MDGA1: variants seen among roughly 807,000 people sequenced by gnomAD.
The protein encoded by MDGA1 is MAM domain containing glycosylphosphatidylinositol anchor 1.
Under a neutral mutation model 101.5 loss-of-function variants are expected in MDGA1, and 54 were observed. That is an observed-to-expected ratio of 0.53 (90% CI 0.43 to 0.67). The LOEUF is 0.67. MDGA1 is among the 30% of genes least tolerant of loss of function. The pLI, the probability that MDGA1 is intolerant of heterozygous loss-of-function variation, is 0.00. For missense variants in MDGA1, 1,083 were observed against 1,323.8 expected (o/e 0.82, Z 2.82); for synonymous variants, 533 against 558.3 (o/e 0.95, Z 0.64).
intron 2 of MDGA1, among the ~76,000 whole-genome samples, chr6:37,663,676 G>A (rs1297544502): frequency 2.6e-5 from 4 of 152,230 alleles, no homozygotes; most frequent in African/African-American, 2.4e-5. Context: ...ATTAGAAAGT[G>A]CATCTAAGGA....
chr6:37,663,900 C>G, intron 2 of MDGA1, 67 bp downstream of exon 2: 4 of 1,580,044 alleles, frequency 2.5e-6, no homozygotes, highest in Non-Finnish European at 3.5e-6. Context: ...GCTGCCTCTT[C>G]TTAAGTGCTG....
At chr6:37,672,262 G>A (rs1761885901) in intron 1 of MDGA1, among the ~76,000 whole-genome samples, 1 of 151,970 alleles carries the variant, frequency 6.6e-6, no homozygotes, top group Admixed American at 6.6e-5. Context: ...ACCAGCCTGG[G>A]CATCATAGCA....
chr6:37,659,279 A>T (rs1411448213), intron 2 of MDGA1, among the ~76,000 whole-genome samples: 1 of 152,188 alleles, frequency 6.6e-6, no homozygotes, highest in Non-Finnish European at 1.5e-5. Context: ...GAAGCCCCTA[A>T]GTTTTGGAGT....
Position 37,654,929 on chromosome 6 carries a change from C to T in MDGA1, c.583G>A (p.Glu195Lys). The T allele has an allele frequency of 1.9e-6, 3 of 1,613,052 alleles. No individual in the cohort carries two copies. The highest frequency in any genetic ancestry group is 2.5e-6 in the Non-Finnish European group (3 of 1,179,764). ...DIYEPLYTQG[E>K]TKVLKLKNLR... ...TTCTTCAGCTTCAGGACCTTGGTCT[C>T]CCCCTGGGCAGCAGTGGACCACTGG... The change falls in exon 5 of 17, where the codon GAG (glutamate) becomes AAG (lysine). Residue 195 changes from glutamate (E) to lysine (K), a missense_variant. Glu to Lys is a moderately conservative substitution (Grantham distance 56, BLOSUM62 1). Around this residue, in one of 3 missense-constraint regions of MDGA1, gnomAD observed 310 missense variants for 355.9 expected, o/e 0.87. Transcript: ENST00000434837.
chr6:37,637,937 A>G (rs1763967407), intron 16 of MDGA1: 1 of 564,134 alleles, frequency 1.8e-6, no homozygotes. Context: ...AGATGTATTC[A>G]GACACAGGCA....
In MDGA1 at chr6:37,697,071, C is replaced by T; in HGVS notation, c.-260G>A. On this transcript the variant is annotated 5_prime_UTR_variant, in exon 1 of 17. Coordinates refer to ENST00000434837, the MANE Select transcript of MDGA1 (RefSeq NM_153487.4). ...TGCCTCGGCGCGCCCGGCACAGCAG[C>T]CAGCGCCCCGACCCGAGGAGCCCGG... 1 of 363,044 alleles carries T rather than the reference C, an allele frequency of 2.8e-6. No individual in the cohort carries two copies. 22.5% of individuals were successfully genotyped at this position (363,044 alleles called of 1,614,324 possible).
intron 3 of MDGA1, among the ~76,000 whole-genome samples, chr6:37,656,233 ATGC>A: frequency 1.3e-5 from 2 of 151,732 alleles, no homozygotes; most frequent in African/African-American, 4.8e-5. Flanking sequence ...ATATGCCACC[ATGC>A]CCAGCTAATT....
Position 37,638,317 on chromosome 6 carries a change from G to A in MDGA1, c.2668-4C>T, listed in dbSNP as rs1763982272. ...CTCGAACCCCCTCAAAAATAATCTGGGGTGGGGTCAGAAAGCAAGGAGCAA... is the reference window on the plus strand; with the variant it reads ...CTCGAACCCCCTCAAAAATAATCTGAGGTGGGGTCAGAAAGCAAGGAGCAA... On this transcript the variant is annotated splice_region_variant and splice_polypyrimidine_tract_variant and intron_variant, in intron 15 of 16. Coordinates refer to ENST00000434837, the MANE Select transcript of MDGA1 (RefSeq NM_153487.4). This position sits in a 1 kb window ranked among gnomAD's most constrained non-coding sequence, Gnocchi z 4.8. The A allele has an allele frequency of 6.2e-7, 1 of 1,600,426 alleles. No homozygotes were observed. The highest frequency in any genetic ancestry group is 8.5e-7 in the Non-Finnish European group (1 of 1,172,252).
intron 1 of MDGA1, among the ~76,000 whole-genome samples, chr6:37,668,164 T>A (rs1420108285): frequency 6.6e-6 from 1 of 151,018 alleles, no homozygotes; most frequent in East Asian, 1.9e-4. Flanking sequence ...GGCAGGAGGA[T>A]CATTTGAGCC....
Position 37,688,714 on chromosome 6 carries a change from G to A in MDGA1, c.67+8031C>T, listed in dbSNP as rs948831891. 5.3e-4 allele frequency among the ~76,000 whole-genome samples: 80 copies of A among 152,298 alleles called. 1 individual carries two copies. The highest frequency in any genetic ancestry group is 1.8e-3 in the African/African-American group (76 of 41,548). On this transcript the variant is annotated intron_variant, in intron 1 of 16. Coordinates refer to ENST00000434837, the MANE Select transcript of MDGA1 (RefSeq NM_153487.4). ...GCTCTCGTGAAACGGAGTCCCCATA[G>A]TTCACCTTCGAGTTTACAAAGTGCT... is the stretch of plus-strand genomic sequence containing the variant.
rs770219550 is a variant in MDGA1 at position 37,650,139 on chromosome 6, G to A, written c.1579C>T (p.Arg527Cys). 1 of 1,606,612 alleles carries A rather than the reference G, an allele frequency of 6.2e-7. No individual in the cohort carries two copies. Among genetic ancestry groups the A allele is most frequent in the Non-Finnish European group, 8.5e-7 (1 of 1,174,116 alleles). ...ACGTTCAGCTGCACCTGGGCCTCAC[G>A]GGGGCGCACGTTGAAGCCATTATAG... ...ARYNGFNVRP[R>C]EAQVQLNVQF... The change falls in exon 8 of 17, where the codon CGT becomes TGT. Residue 527 changes from arginine (R) to cysteine (C), a missense_variant. By Grantham distance (180) the Arg-to-Cys change is radical. Transcript: ENST00000434837.
At chr6:37,690,316 C>G (rs1467332541) in intron 1 of MDGA1, among the ~76,000 whole-genome samples, 1 of 152,196 alleles carries the variant, frequency 6.6e-6, no homozygotes, top group African/African-American at 2.4e-5. Flanking sequence ...CAACCCAGCT[C>G]CCTGTTTGAC....
rs116520954 is a variant in MDGA1, at chr6:37,670,299, G to A, written c.68-6193C>T. ...AAAGGGGACCACCTGCTATGCACCC[G>A]TACACATGCAACCCAGGGGTGGAAA... On this transcript the variant is annotated intron_variant, in intron 1 of 16. Transcript: ENST00000434837. Among the ~76,000 whole-genome samples the A allele has an allele frequency of 8.6e-3, 1,304 of 152,284 alleles. 19 individuals are homozygous for A. The highest frequency in any genetic ancestry group is 0.03 in the African/African-American group (1,247 of 41,546).
rs1762431111 is a variant in MDGA1, at chr6:37,696,833, C to T, written c.-22G>A. 3 of 1,557,726 alleles carry T rather than the reference C, an allele frequency of 1.9e-6. No homozygotes were observed. The highest frequency in any genetic ancestry group is 2.6e-6 in the Non-Finnish European group (3 of 1,150,326). On this transcript the variant is annotated 5_prime_UTR_variant, in exon 1 of 17. Transcript: ENST00000434837. This position sits in a 1 kb window ranked among gnomAD's most constrained non-coding sequence, Gnocchi z 5.6. Reference sequence around the variant, plus strand: ...CCATCTTCACGGCCGGTGCTTCATCCCCGCGAGGCGGCGCAGCCCGAGAGG... The same window carrying T: ...CCATCTTCACGGCCGGTGCTTCATCTCCGCGAGGCGGCGCAGCCCGAGAGG...
intron 1 of MDGA1, among the ~76,000 whole-genome samples, chr6:37,681,008 C>A (rs987540212): frequency 3.3e-4 from 49 of 150,446 alleles, no homozygotes; most frequent in African/African-American, 1.1e-3. Flanking sequence ...CCCCCCCCCC[C>A]AGGAAACCTG....
At chr6:37,643,277 CTT>C (rs111450568) in intron 14 of MDGA1, 6 of 145,990 alleles carry the variant, frequency 4.1e-5, no homozygotes, top group Non-Finnish European at 4.5e-5. Flanking sequence ...TTTCTTTTTC[CTT>C]TTTTTTTTTT....
At chr6:37,658,647 C>CTTTA (rs1053935542) in intron 2 of MDGA1, among the ~76,000 whole-genome samples, 4 of 152,314 alleles carry the variant, frequency 2.6e-5, no homozygotes, top group Admixed American at 2.6e-4. Context: ...AGGGAAGAGG[C>CTTTA]TTTAAATGGG....
chr6:37,642,843 GA>G, intron 14 of MDGA1, among the ~76,000 whole-genome samples: 1 of 152,300 alleles, frequency 6.6e-6, no homozygotes, highest in East Asian at 1.9e-4. Context: ...AGAGGATGGG[GA>G]ACTCGTCCAC....
At position 37,696,941 on chromosome 6, in the gene MDGA1, G is replaced by A; in HGVS notation, c.-130C>T. On this transcript the variant is annotated 5_prime_UTR_variant, in exon 1 of 17. Transcript: ENST00000434837. The surrounding 1 kb of genome is among the most constrained non-coding windows in gnomAD (Gnocchi z 5.6). ...GAGAGGTGAGAGAGAGAGCGGCGACGAAGACCAGGAGACTGAAGAGGCGGA... is the reference window on the plus strand; with the variant it reads ...GAGAGGTGAGAGAGAGAGCGGCGACAAAGACCAGGAGACTGAAGAGGCGGA... 1.3e-6 allele frequency: 1 copy of A among 769,734 alleles called. No homozygotes were observed. The highest frequency in any genetic ancestry group is 2.2e-6 in the Non-Finnish European group (1 of 453,154). 47.7% of individuals were successfully genotyped at this position (769,734 alleles called of 1,614,324 possible). A position where few individuals can be genotyped will look rare whatever the true frequency, so the allele number is the denominator to read the frequency against.
Sources: allele counts gnomAD v4.1 joint callset (sites outside exome capture counted in the v4.1 genomes callset), GRCh38; gene constraint gnomAD v4.1.1; regional missense constraint gnomAD v4.1.1; non-coding constraint Gnocchi (gnomAD v3.1); transcripts MANE v1.5; gene names NCBI Gene and HGNC (gene_info 2026-07-23, HGNC 2026-07-21).